The following MSI2 variants were observed in gnomAD, a reference collection of about 807,000 sequenced individuals.
MSI2 encodes the protein RNA-binding protein Musashi homolog 2.
Under a neutral mutation model 45.6 loss-of-function variants are expected in MSI2, and 17 were observed. The ratio of observed to expected loss-of-function variants is 0.37; its 90% CI spans 0.26 to 0.56. The LOEUF is 0.56. MSI2 is among the 20% of genes least tolerant of loss of function. The probability of loss-of-function intolerance (pLI) is 0.77; values close to 1 mark genes in which losing one functional copy is unlikely to be tolerated. For missense variants in MSI2, 293 were observed against 444.2 expected, an observed-to-expected ratio of 0.66 and a Z score of 3.06; for synonymous variants, 156 against 158.2, an observed-to-expected ratio of 0.99 and a Z score of 0.11.
intron 9 of MSI2, chr17:57,626,871 C>G (rs1217050299): frequency 3.6e-6 from 1 of 280,646 alleles, no homozygotes; most frequent in Non-Finnish European, 6.7e-6. Context: ...TAATCTCCTA[C>G]TGTCAATAGC....
At chr17:57,620,573 C>T (rs547659729) in intron 9 of MSI2, among the ~76,000 whole-genome samples, 59 of 152,154 alleles carry the variant, frequency 3.9e-4, no homozygotes, top group Non-Finnish European at 7.2e-4. Flanking sequence ...TCCTTACCAC[C>T]CAAGGCTGAG....
At chr17:57,701,372 G>C in the MSI2 span, among the ~76,000 whole-genome samples, 1 of 152,198 alleles carries the variant, frequency 6.6e-6, no homozygotes, top group East Asian at 1.9e-4. Context: ...GGTCATGAAA[G>C]TGGAGCCCTC....
chr17:57,554,164 G>A (rs944346414), intron 7 of MSI2, among the ~76,000 whole-genome samples: 20 of 151,684 alleles, frequency 1.3e-4, no homozygotes, highest in African/African-American at 3.9e-4. Context: ...TTGTTGCCAC[G>A]GCAACAGGCG....
At chr17:57,694,653 T>C in the MSI2 span, among the ~76,000 whole-genome samples, 1 of 152,186 alleles carries the variant, frequency 6.6e-6, no homozygotes, top group South Asian at 2.1e-4. Context: ...ATTGAAAGTA[T>C]GTTCATGCTA....
rs947323612 is a variant in MSI2, at chr17:57,612,491, G to A, written c.538-3479G>A. 1.4e-4 allele frequency among the ~76,000 whole-genome samples: 4 copies of A among 29,510 alleles called. 2 individuals carry two copies. Among genetic ancestry groups the A allele is most frequent in the Non-Finnish European group, 4.1e-4 (4 of 9,858 alleles). 19.4% of individuals were successfully genotyped at this position (29,510 alleles called of 152,430 possible). On this transcript the variant is annotated intron_variant, in intron 8 of 13. Coordinates refer to ENST00000284073, the MANE Select transcript of MSI2 (RefSeq NM_138962.4). ...TAACTGTTACCTGCTGCCTTCCCCT[G>A]TCATTCAGATGCCCAGGACAGGCCA...
At chr17:57,548,897 T>A (rs952667491) in intron 7 of MSI2, among the ~76,000 whole-genome samples, 1 of 122,550 alleles carries the variant, frequency 8.2e-6, no homozygotes, top group African/African-American at 3.4e-5. Context: ...TTGTTTACCC[T>A]TCCCCCCCCC....
chr17:57,284,691 G>A (rs1909717384), intron 5 of MSI2, among the ~76,000 whole-genome samples: 1 of 152,200 alleles, frequency 6.6e-6, no homozygotes, highest in South Asian at 2.1e-4. Flanking sequence ...GGACTCTTGT[G>A]TCTCCTAGTG....
At chr17:57,369,710 C>G (rs2083393006) in intron 5 of MSI2, among the ~76,000 whole-genome samples, 1 of 152,198 alleles carries the variant, frequency 6.6e-6, no homozygotes, top group African/African-American at 2.4e-5. Context: ...TGTGACTCAT[C>G]TCATTTAATG....
intron 6 of MSI2, among the ~76,000 whole-genome samples, chr17:57,473,378 A>T (rs1036699634): frequency 1.1e-4 from 17 of 152,258 alleles, no homozygotes; most frequent in African/African-American, 3.6e-4. Context: ...CCAAAGAGAG[A>T]TTTATTTCAA....
chr17:57,422,443 G>C (rs2084412921), intron 6 of MSI2, among the ~76,000 whole-genome samples: 1 of 152,330 alleles, frequency 6.6e-6, no homozygotes, highest in East Asian at 1.9e-4. Context: ...CTGGGTGACA[G>C]AGTGAGACTC....
chr17:57,467,566 G>A (rs552144769), intron 6 of MSI2, among the ~76,000 whole-genome samples: 127 of 152,146 alleles, frequency 8.3e-4, no homozygotes, highest in Non-Finnish European at 1.6e-3. Flanking sequence ...ATGGGTGGAT[G>A]GATGGACAGA....
rs1024804359 is a variant in MSI2, at chr17:57,558,103, G to T, written c.454+28379G>T. Reference sequence around the variant, plus strand: ...AAGACGGAGCTTGCCTGCTGCTGGCGTGGGGAGCTGACAAAATATTTAAAT... The same window carrying T: ...AAGACGGAGCTTGCCTGCTGCTGGCTTGGGGAGCTGACAAAATATTTAAAT... On this transcript the variant is annotated intron_variant, in intron 7 of 13. Coordinates refer to ENST00000284073, the MANE Select transcript of MSI2 (RefSeq NM_138962.4). Among the ~76,000 whole-genome samples, 8 of 152,232 alleles carry T rather than the reference G, an allele frequency of 5.3e-5. No homozygotes were observed. The South Asian group carries it at 1.7e-3, about 32-fold the overall frequency.
At chr17:57,275,286 A>AC in intron 5 of MSI2, among the ~76,000 whole-genome samples, 1 of 152,216 alleles carries the variant, frequency 6.6e-6, no homozygotes, top group South Asian at 2.1e-4. Context: ...ACTTGGTAGG[A>AC]ACTGGGAGCA....
intron 7 of MSI2, among the ~76,000 whole-genome samples, chr17:57,558,492 C>T (rs556982870): frequency 5.4e-4 from 82 of 152,244 alleles, no homozygotes; most frequent in Middle Eastern, 3.4e-3. Flanking sequence ...AGCGTGTTGC[C>T]TAGAGGTGGG....
intron 6 of MSI2, among the ~76,000 whole-genome samples, chr17:57,493,174 G>A (rs1484103882): frequency 6.6e-6 from 1 of 152,180 alleles, no homozygotes; most frequent in African/African-American, 2.4e-5. Context: ...CCTTGGAGAC[G>A]TGAGGAGCAA....
chr17:57,359,073 C>T lies in MSI2; in HGVS notation c.313-42306C>T, dbSNP rs1342940570. ...CAGGTGAACAGGTGGTCCTGCCATC[C>T]CAGTGGCAGGGGCCCCTTCCTTTCT... On this transcript the variant is annotated intron_variant, in intron 5 of 13. Transcript: ENST00000284073. Among the ~76,000 whole-genome samples, 4 of 152,132 alleles carry T rather than the reference C, an allele frequency of 2.6e-5. No homozygotes were observed. The South Asian group carries it at 6.2e-4, about 24-fold the overall frequency.
At chr17:57,257,625 T>C (rs1024569452) in intron 3 of MSI2, 78 bp downstream of exon 3, 6 of 1,083,948 alleles carry the variant, frequency 5.5e-6, no homozygotes, top group Non-Finnish European at 8.3e-6. Context: ...TCTTCGGAAG[T>C]AGCTAAGCGG....
At chr17:57,353,743 G>A (rs896430764) in intron 5 of MSI2, among the ~76,000 whole-genome samples, 1 of 152,124 alleles carries the variant, frequency 6.6e-6, no homozygotes, top group African/African-American at 2.4e-5. Context: ...AAGAGTATTC[G>A]AAGACCTGGT....
At chr17:57,379,497 G>A (rs937138050) in intron 5 of MSI2, among the ~76,000 whole-genome samples, 1 of 71,932 alleles carries the variant, frequency 1.4e-5, no homozygotes, top group Admixed American at 1.5e-4. Flanking sequence ...TTTTTTTTTT[G>A]CTTTGTCATC....
Sources: allele counts gnomAD v4.1 joint callset (sites outside exome capture counted in the v4.1 genomes callset), GRCh38; gene constraint gnomAD v4.1.1; transcripts MANE v1.5; gene names NCBI Gene and HGNC (gene_info 2026-07-23, HGNC 2026-07-21).